Variants in FOXP1 observed in about 807,000 individuals in gnomAD.
FOXP1 encodes forkhead box P1, also known as forkhead box protein P1.
A neutral mutation model predicts 98.2 loss-of-function variants in FOXP1; 15 were observed. The observed-to-expected ratio is 0.15, with a 90% CI of 0.10 to 0.24. The LOEUF (loss-of-function observed/expected upper bound fraction) is 0.24. Ranked by LOEUF, FOXP1 falls within the 10% of genes least tolerant of loss-of-function variation. FOXP1 has a pLI of 1.00. For synonymous variants in FOXP1, 371 were observed against 314.5 expected, an observed-to-expected ratio of 1.18 and a Z score of -1.90; for missense variants, 633 against 848.5, an observed-to-expected ratio of 0.75 and a Z score of 3.15.
intron 3 of FOXP1, among the ~76,000 whole-genome samples, chr3:71,458,596 G>C (rs1292358653): frequency 1.3e-5 from 2 of 152,146 alleles, no homozygotes; most frequent in African/African-American, 2.4e-5. Flanking sequence ...ACAGAATATA[G>C]CATTTACCTA....
chr3:71,331,243 A>G (rs1370745531), intron 4 of FOXP1, among the ~76,000 whole-genome samples: 1 of 152,122 alleles, frequency 6.6e-6, no homozygotes, highest in African/African-American at 2.4e-5. Flanking sequence ...GCTGGCCCGC[A>G]AGCCTGGGGC....
At chr3:71,544,567 A>C (rs1406801644) in intron 2 of FOXP1, among the ~76,000 whole-genome samples, 2 of 152,326 alleles carry the variant, frequency 1.3e-5, no homozygotes, top group African/African-American at 4.8e-5. Context: ...AACCTGAAGC[A>C]CTTGGGAAGG....
chr3:71,548,765 C>A (rs1231428700), intron 2 of FOXP1, among the ~76,000 whole-genome samples: 5 of 151,072 alleles, frequency 3.3e-5, no homozygotes, highest in Non-Finnish European at 7.4e-5. Context: ...TTGGCCTTTA[C>A]CCCCCCAAAA....
intron 3 of FOXP1, among the ~76,000 whole-genome samples, chr3:71,477,635 G>A (rs1408795883): frequency 6.6e-6 from 1 of 152,122 alleles, no homozygotes; most frequent in Non-Finnish European, 1.5e-5. Context: ...CTCTTATGAT[G>A]TTGAGCCTTG....
At chr3:71,026,707 C>T (rs891618211) in intron 11 of FOXP1, among the ~76,000 whole-genome samples, 3 of 152,216 alleles carry the variant, frequency 2.0e-5, no homozygotes, top group South Asian at 2.1e-4. Flanking sequence ...AACCATGTCA[C>T]CAATCTCCCC....
At chr3:71,415,013 T>C (rs2083101496) in intron 3 of FOXP1, among the ~76,000 whole-genome samples, 2 of 152,246 alleles carry the variant, frequency 1.3e-5, no homozygotes, top group African/African-American at 2.4e-5. Context: ...AAAGTATCTA[T>C]AATCTCACCC....
chr3:71,531,426 C>T (rs1409336891), intron 2 of FOXP1, among the ~76,000 whole-genome samples: 1 of 152,082 alleles, frequency 6.6e-6, no homozygotes, highest in Non-Finnish European at 1.5e-5. Flanking sequence ...GGGCCCTCAA[C>T]AGGAAAAGAC....
At chr3:71,101,475 G>T (rs2056952491) in intron 7 of FOXP1, among the ~76,000 whole-genome samples, 1 of 152,036 alleles carries the variant, frequency 6.6e-6, no homozygotes, top group Admixed American at 6.6e-5. Flanking sequence ...TGGAGGCCAG[G>T]GGGTACTGAT....
intron 5 of FOXP1, among the ~76,000 whole-genome samples, chr3:71,268,426 G>C (rs1324358523): frequency 1.3e-5 from 2 of 152,050 alleles, no homozygotes; most frequent in Non-Finnish European, 2.9e-5. Context: ...GACTGGGAAA[G>C]TTGGGGGGGT....
chr3:71,471,634 C>T (rs892282334), intron 3 of FOXP1, among the ~76,000 whole-genome samples: 15 of 151,704 alleles, frequency 9.9e-5, no homozygotes, highest in Admixed American at 8.5e-4. Context: ...ACGTTTATAG[C>T]GGACATGCAA....
chr3:71,413,093 A>G (rs1009957494), intron 3 of FOXP1, among the ~76,000 whole-genome samples: 1 of 151,996 alleles, frequency 6.6e-6, no homozygotes, highest in Non-Finnish European at 1.5e-5. Context: ...ACCGACAAAC[A>G]GCCAACCGGC....
At chr3:71,070,663 G>C (rs184652948) in intron 7 of FOXP1, among the ~76,000 whole-genome samples, 1 of 152,160 alleles carries the variant, frequency 6.6e-6, no homozygotes, top group African/African-American at 2.4e-5. Context: ...CTCCGCGCAC[G>C]TGTGGGCCAG....
chr3:71,207,738 T>TA (rs11305999), intron 5 of FOXP1, among the ~76,000 whole-genome samples: 13 of 151,416 alleles, frequency 8.6e-5, no homozygotes, highest in South Asian at 2.1e-4. Flanking sequence ...AACAATAACT[T>TA]AAAAAAAAAA....
At chr3:71,359,986 T>C (rs1481285185) in intron 3 of FOXP1, among the ~76,000 whole-genome samples, 1 of 152,084 alleles carries the variant, frequency 6.6e-6, no homozygotes, top group African/African-American at 2.4e-5. Flanking sequence ...AGAGACAAGG[T>C]TTCACCATGT....
rs776928848 is a variant in FOXP1, at chr3:71,046,995, A to T, written c.611T>A (p.Leu204His). 1.5e-5 allele frequency: 24 copies of T among 1,614,126 alleles called. No homozygotes were observed. The highest frequency in any genetic ancestry group is 1.9e-5 in the Non-Finnish European group (23 of 1,179,984). Residue 204 changes from leucine to histidine, a missense_variant, in exon 10 of 21, where the codon CTT becomes CAT. Leu to His is a moderately conservative substitution (Grantham distance 99). This residue lies in a region of FOXP1 where 210 missense variants were observed against 270.6 expected (regional missense o/e 0.78). Transcript: ENST00000649528. The part of the protein sequence containing the change: ...QHLLSLQRQG[L>H]LTIQPGQPAL... ...AGGCTGCCCGGGCTGAATTGTCAGA[A>T]GGCCTTGGCGCTGCAAAGACAGGAG...
intron 20 of FOXP1, among the ~76,000 whole-genome samples, chr3:70,962,417 T>C (rs2033765236): frequency 6.6e-6 from 1 of 152,198 alleles, no homozygotes; most frequent in Non-Finnish European, 1.5e-5. Context: ...TATGATTTAT[T>C]GTGATATTAA....
chr3:71,480,086 C>T (rs533064176), intron 3 of FOXP1, among the ~76,000 whole-genome samples: 8 of 152,332 alleles, frequency 5.3e-5, no homozygotes, highest in South Asian at 2.1e-4. Context: ...ATCCCAGCTA[C>T]TCAGGAGGCT....
chr3:71,404,045 CTACAGATAA>C (rs756418266), intron 3 of FOXP1, among the ~76,000 whole-genome samples: 9 of 151,034 alleles, frequency 6.0e-5, no homozygotes, highest in Non-Finnish European at 1.3e-4. Flanking sequence ...TGGCGATGGC[CTACAGATAA>C]TTACCTTAGA....
chr3:71,582,147 C>T (rs1252711303), intron 1 of FOXP1: 3 of 983,930 alleles, frequency 3.0e-6, no homozygotes, highest in Non-Finnish European at 3.6e-6. Flanking sequence ...TTTCCGGGAG[C>T]GGAGCTCCCC....
Sources: allele counts gnomAD v4.1 joint callset (sites outside exome capture counted in the v4.1 genomes callset), GRCh38; gene constraint gnomAD v4.1.1; regional missense constraint gnomAD v4.1.1; transcripts MANE v1.5; gene names NCBI Gene and HGNC (gene_info 2026-07-23, HGNC 2026-07-21).